Variants in PTPRN2 observed in about 807,000 individuals in gnomAD.
PTPRN2 encodes receptor-type tyrosine-protein phosphatase N2.
Under a neutral mutation model 118.8 loss-of-function variants are expected in PTPRN2, and 74 were observed. That is an observed-to-expected ratio of 0.62 (90% confidence interval 0.52 to 0.76). The LOEUF is 0.76. Ranked by LOEUF, PTPRN2 falls within the 30% of genes least tolerant of loss-of-function variation. PTPRN2 has a pLI of 0.00. For synonymous variants in PTPRN2, 641 were observed against 608.0 expected (o/e 1.05, Z -0.80); for missense variants, 1,481 against 1,394.4 (o/e 1.06, Z -0.99).
intron 17 of PTPRN2, 136 bp from the exon 18 acceptor site, chr7:157,578,276 T>G: frequency 9.1e-7 from 1 of 1,098,236 alleles, no homozygotes; most frequent in Non-Finnish European, 1.3e-6. Context: ...CAGACATGTT[T>G]ACTCCGCAGC....
chr7:157,737,643 TC>T, intron 12 of PTPRN2, among the ~76,000 whole-genome samples: 1 of 152,290 alleles, frequency 6.6e-6, no homozygotes, highest in Non-Finnish European at 1.5e-5. Context: ...TCCAGAGTGT[TC>T]CCCTACAGGG....
intron 12 of PTPRN2, among the ~76,000 whole-genome samples, chr7:157,710,326 T>C (rs1164168212): frequency 6.6e-6 from 1 of 152,154 alleles, no homozygotes; most frequent in African/African-American, 2.4e-5. Context: ...AACTCACTCT[T>C]GGCCAGGTGT....
At chr7:158,379,029 C>A (rs1810756210) in intron 2 of PTPRN2, among the ~76,000 whole-genome samples, 1 of 149,744 alleles carries the variant, frequency 6.7e-6, no homozygotes. Context: ...GGGAAGAGCT[C>A]CCTGCAGGGT....
At chr7:157,776,527 CCTCTCTCTCCTTCTCCCT>C (rs1803283135) in intron 12 of PTPRN2, among the ~76,000 whole-genome samples, 1 of 122,290 alleles carries the variant, frequency 8.2e-6, no homozygotes, top group Non-Finnish European at 1.7e-5. Flanking sequence ...TTCTCCCTCT[CCTCTCTCTCCTTCTCCCT>C]CTCCTCCTCT....
At chr7:158,246,089 A>G (rs1246764531) in intron 3 of PTPRN2, among the ~76,000 whole-genome samples, 2 of 151,674 alleles carry the variant, frequency 1.3e-5, no homozygotes, top group Non-Finnish European at 2.9e-5. Context: ...TGAAACCAAA[A>G]TTCATTAAAA....
chr7:157,898,826 T>G, intron 11 of PTPRN2, 89 bp from the exon 12 acceptor site: 1 of 1,188,792 alleles, frequency 8.4e-7, no homozygotes, highest in South Asian at 1.2e-5. Flanking sequence ...CATTGAAAAT[T>G]TCAATTACAT....
chr7:158,532,839 G>A (rs781540130), intron 1 of PTPRN2: 1 of 534,088 alleles, frequency 1.9e-6, no homozygotes, highest in South Asian at 1.4e-5. Flanking sequence ...ACATGGCAGA[G>A]AGAATGTGGC....
intron 2 of PTPRN2, among the ~76,000 whole-genome samples, chr7:158,324,162 C>T (rs778680944): frequency 6.6e-5 from 10 of 152,134 alleles, no homozygotes; most frequent in Non-Finnish European, 8.8e-5. Flanking sequence ...CACACACAGT[C>T]TCCGCATAGA....
At chr7:158,175,849 A>T (rs1433129376) in intron 5 of PTPRN2, among the ~76,000 whole-genome samples, 6 of 152,248 alleles carry the variant, frequency 3.9e-5, no homozygotes, top group Non-Finnish European at 8.8e-5. Context: ...TCTGCTAATG[A>T]TGATGCATTC....
At chr7:158,302,040 G>A (rs1252967285) in intron 3 of PTPRN2, among the ~76,000 whole-genome samples, 1 of 152,176 alleles carries the variant, frequency 6.6e-6, no homozygotes, top group Non-Finnish European at 1.5e-5. Context: ...CTCTAGTACT[G>A]CTAAGGAAAA....
At chr7:158,081,209 C>CT in intron 11 of PTPRN2, 89 bp downstream of exon 11, 1 of 1,307,434 alleles carries the variant, frequency 7.6e-7, no homozygotes, top group Non-Finnish European at 1.1e-6. Context: ...GAGTCTCTCT[C>CT]TGCCCTGGCT....
At chr7:157,946,431 C>T (rs866775044) in intron 11 of PTPRN2, among the ~76,000 whole-genome samples, 3 of 152,232 alleles carry the variant, frequency 2.0e-5, no homozygotes, top group East Asian at 1.9e-4. Flanking sequence ...TTCATGGATG[C>T]CTATTTTTGT....
rs1389219268 is a variant in PTPRN2 at position 157,590,314 on chromosome 7, C to A, written c.2496+4924G>T. The stretch of plus-strand genomic sequence containing the variant: ...AGGCCAGTTTACTACTTACTAGTAA[C>A]ACTGATTTCTGAACTGTAACTCAGA... On this transcript the variant is annotated intron_variant, in intron 17 of 22. Coordinates refer to ENST00000389418, the MANE Select transcript of PTPRN2 (RefSeq NM_002847.5). The surrounding 1 kb of genome is among the most constrained non-coding windows in gnomAD (Gnocchi z 4.0). Among the ~76,000 whole-genome samples the A allele has an allele frequency of 6.6e-6, 1 of 152,186 alleles. No homozygotes were observed. The highest frequency in any genetic ancestry group is 6.5e-5 in the Admixed American group (1 of 15,286).
chr7:157,772,723 G>C (rs1433553224), intron 12 of PTPRN2, among the ~76,000 whole-genome samples: 2 of 152,242 alleles, frequency 1.3e-5, no homozygotes, highest in Admixed American at 1.3e-4. Flanking sequence ...GCCGGGTCTG[G>C]GGGGACCCCT....
At chr7:158,534,409 C>T (rs200141828) in intron 1 of PTPRN2, among the ~76,000 whole-genome samples, 127 of 146,648 alleles carry the variant, frequency 8.7e-4, no homozygotes, top group South Asian at 1.8e-3. Flanking sequence ...TGTGACCACC[C>T]ATGCCCTGGG....
At chr7:158,254,794 G>A (rs191849832) in intron 3 of PTPRN2, among the ~76,000 whole-genome samples, 39 of 152,352 alleles carry the variant, frequency 2.6e-4, no homozygotes, top group African/African-American at 8.2e-4. Flanking sequence ...CTACAGGACA[G>A]GAAACTACGA....
At chr7:158,372,439 GT>G (rs1350250033) in intron 2 of PTPRN2, among the ~76,000 whole-genome samples, 2 of 143,366 alleles carry the variant, frequency 1.4e-5, no homozygotes, top group Non-Finnish European at 3.1e-5. Context: ...CCCGAAGCTG[GT>G]CCCCCCAATG....
chr7:158,440,900 TG>T, intron 2 of PTPRN2, among the ~76,000 whole-genome samples: 2 of 147,492 alleles, frequency 1.4e-5, no homozygotes, highest in East Asian at 2.0e-4. Flanking sequence ...GTGGTGGTGG[TG>T]ACGGTGATGA....
chr7:157,652,111 C>A (rs1172805370), intron 14 of PTPRN2, among the ~76,000 whole-genome samples: 1 of 152,228 alleles, frequency 6.6e-6, no homozygotes, highest in African/African-American at 2.4e-5. Context: ...TTTTAAAGGA[C>A]CTTTCTAAGA....
Sources: allele counts gnomAD v4.1 joint callset (sites outside exome capture counted in the v4.1 genomes callset), GRCh38; gene constraint gnomAD v4.1.1; non-coding constraint Gnocchi (gnomAD v3.1); transcripts MANE v1.5; gene names NCBI Gene and HGNC (gene_info 2026-07-23, HGNC 2026-07-21).